PALM2AKAP2: variants seen among roughly 807,000 people sequenced by gnomAD.
PALM2AKAP2 encodes PALM2-AKAP2 fusion protein.
PALM2AKAP2 carries 37 observed loss-of-function variants against 71.5 expected under a neutral mutation model. That is an observed-to-expected ratio of 0.52 (90% confidence interval 0.40 to 0.68). The LOEUF is 0.68. PALM2AKAP2 is among the 30% of genes least tolerant of loss of function. The pLI is 0.00. For synonymous variants in PALM2AKAP2, 468 were observed against 478.8 expected (o/e 0.98, Z 0.29); for missense variants, 1,224 against 1,191.8 (o/e 1.03, Z -0.40).
intron 1 of PALM2AKAP2, among the ~76,000 whole-genome samples, chr9:109,644,924 A>G (rs1202440587): frequency 6.6e-6 from 1 of 152,188 alleles, no homozygotes; most frequent in Non-Finnish European, 1.5e-5. Flanking sequence ...CCATTCAGCA[A>G]GTCTCTAGGG....
intron 1 of PALM2AKAP2, among the ~76,000 whole-genome samples, chr9:110,074,156 G>A (rs560799547): frequency 2.0e-5 from 3 of 152,224 alleles, no homozygotes; most frequent in Admixed American, 6.5e-5. Context: ...CTCAAATTGC[G>A]GGATGTTCAA....
chr9:109,995,003 T>C (rs1832547861), intron 6 of PALM2AKAP2, among the ~76,000 whole-genome samples: 1 of 152,222 alleles, frequency 6.6e-6, no homozygotes, highest in Non-Finnish European at 1.5e-5. Context: ...AGGGCTGCCA[T>C]GTATAACACT....
intron 1 of PALM2AKAP2, among the ~76,000 whole-genome samples, chr9:109,700,647 T>G (rs533156070): frequency 1.2e-4 from 19 of 152,352 alleles, no homozygotes; most frequent in East Asian, 5.8e-4. Flanking sequence ...TTACACTTTG[T>G]TGTCTCACTG....
At chr9:109,708,155 A>C (rs1348983409) in intron 1 of PALM2AKAP2, among the ~76,000 whole-genome samples, 3 of 152,174 alleles carry the variant, frequency 2.0e-5, no homozygotes, top group African/African-American at 4.8e-5. Flanking sequence ...ACAACAGCTG[A>C]TGATGACTCC....
intron 2 of PALM2AKAP2, among the ~76,000 whole-genome samples, chr9:109,871,826 T>C (rs535049313): frequency 6.6e-6 from 1 of 152,334 alleles, no homozygotes; most frequent in East Asian, 1.9e-4. Context: ...GATAACTGAC[T>C]TTGATGTCTT....
At chr9:109,981,578 T>TTAGCAACATTTCTCCC (rs1453100118) in intron 6 of PALM2AKAP2, among the ~76,000 whole-genome samples, 1 of 152,196 alleles carries the variant, frequency 6.6e-6, no homozygotes, top group Non-Finnish European at 1.5e-5. Context: ...TAAATGTTGC[T>TTAGCAACATTTCTCCC]TAGCAAACTT....
At chr9:109,806,358 A>G (rs1282061976) in intron 1 of PALM2AKAP2, among the ~76,000 whole-genome samples, 1 of 152,248 alleles carries the variant, frequency 6.6e-6, no homozygotes, top group African/African-American at 2.4e-5. Context: ...AATTCAGCCA[A>G]GAAATATTTT....
At chr9:110,010,202 A>C (rs1305041783) in intron 6 of PALM2AKAP2, among the ~76,000 whole-genome samples, 1 of 152,142 alleles carries the variant, frequency 6.6e-6, no homozygotes, top group Non-Finnish European at 1.5e-5. Flanking sequence ...GGGAAATGCA[A>C]ACTTATTCTC....
At chr9:109,964,978 A>C (rs186363440) in intron 6 of PALM2AKAP2, among the ~76,000 whole-genome samples, 16 of 152,260 alleles carry the variant, frequency 1.1e-4, no homozygotes, top group Admixed American at 1.0e-3. Flanking sequence ...GTTTCTTGCC[A>C]TTGTCATTAC....
At chr9:110,046,445 A>G (rs2132481283), upstream of PALM2AKAP2, among the ~76,000 whole-genome samples, 1 of 151,674 alleles carries the variant, frequency 6.6e-6, no homozygotes. Flanking sequence ...TTCAGAATAA[A>G]GTTGGTATGA....
At chr9:109,866,040 G>A (rs1829439774) in intron 1 of PALM2AKAP2, among the ~76,000 whole-genome samples, 1 of 152,190 alleles carries the variant, frequency 6.6e-6, no homozygotes, top group Non-Finnish European at 1.5e-5. Flanking sequence ...AAATATTCAT[G>A]TGTCTTACTT....
intron 3 of PALM2AKAP2, among the ~76,000 whole-genome samples, chr9:110,157,913 A>G (rs924006651): frequency 3.3e-5 from 5 of 152,328 alleles, no homozygotes; most frequent in Middle Eastern, 3.4e-3. Flanking sequence ...AAGCAAATGG[A>G]TATCTGGCAG....
chr9:109,886,199 G>T (rs1348408499), intron 3 of PALM2AKAP2, among the ~76,000 whole-genome samples: 1 of 152,164 alleles, frequency 6.6e-6, no homozygotes, highest in Non-Finnish European at 1.5e-5. Flanking sequence ...CCAAGAGATT[G>T]TTTCTGGCTT....
At chr9:109,887,812 C>A (rs1411210748) in intron 3 of PALM2AKAP2, among the ~76,000 whole-genome samples, 2 of 152,184 alleles carry the variant, frequency 1.3e-5, no homozygotes, top group Non-Finnish European at 2.9e-5. Flanking sequence ...AAAATCCCAA[C>A]AGAAGTTGTT....
At chr9:109,753,899 GA>G (rs1194189659) in intron 1 of PALM2AKAP2, among the ~76,000 whole-genome samples, 2 of 152,076 alleles carry the variant, frequency 1.3e-5, no homozygotes, top group Non-Finnish European at 2.9e-5. Flanking sequence ...TAGAAAGTTT[GA>G]AAAAAATACA....
At chr9:109,767,993 GAGCA>G (rs1440456034) in intron 1 of PALM2AKAP2, among the ~76,000 whole-genome samples, 40 of 151,246 alleles carry the variant, frequency 2.6e-4, no homozygotes, top group South Asian at 6.3e-4. Flanking sequence ...AGGAAGGAGG[GAGCA>G]AAGGCAGGTA....
At chr9:110,145,012 T>C (rs780827267) in intron 2 of PALM2AKAP2, among the ~76,000 whole-genome samples, 9 of 152,208 alleles carry the variant, frequency 5.9e-5, no homozygotes, top group African/African-American at 2.2e-4. Context: ...GCCTGCTCTA[T>C]GAGGTATACA....
chr9:109,909,242 G>A (rs1266455625), intron 3 of PALM2AKAP2, among the ~76,000 whole-genome samples: 1 of 152,154 alleles, frequency 6.6e-6, no homozygotes, highest in Non-Finnish European at 1.5e-5. Context: ...GAGCCACACA[G>A]CAGTTACCTT....
chr9:110,060,141 C>CTT (rs1833932159), intron 1 of PALM2AKAP2, among the ~76,000 whole-genome samples: 1 of 151,854 alleles, frequency 6.6e-6, no homozygotes, highest in Non-Finnish European at 1.5e-5. Flanking sequence ...TTAGATGAGT[C>CTT]TTGCTGTGTT....
Sources: allele counts gnomAD v4.1 joint callset (sites outside exome capture counted in the v4.1 genomes callset), GRCh38; gene constraint gnomAD v4.1.1; transcripts MANE v1.5; gene names NCBI Gene and HGNC (gene_info 2026-07-23, HGNC 2026-07-21).